The following ZNF705G variants were observed in gnomAD, a reference collection of about 807,000 sequenced individuals.
ZNF705G encodes the protein zinc finger protein 705G, also known as putative zinc finger protein 705G.
Under a neutral mutation model 19.6 loss-of-function variants are expected in ZNF705G, and 23 were observed. The observed-to-expected ratio is 1.17, with a 90% CI of 0.84 to 1.66. The LOEUF is 1.66. Among genes scored for constraint, ZNF705G ranks in the 40% most tolerant of loss-of-function variants. The probability of loss-of-function intolerance (pLI) is 0.00; values close to 1 mark genes in which losing one functional copy is unlikely to be tolerated. For synonymous variants in ZNF705G, 146 were observed against 117.7 expected (o/e 1.24, Z -1.56); for missense variants, 457 against 354.4 (o/e 1.29, Z -2.32).
intron 2 of ZNF705G, among the ~76,000 whole-genome samples, chr8:7,363,575 C>T (rs1345404318): frequency 2.0e-5 from 3 of 149,678 alleles, no homozygotes; most frequent in Non-Finnish European, 4.4e-5. Flanking sequence ...AATCCCAGCA[C>T]TTTGGGAGGC....
At chr8:7,381,920 G>C (rs148477640) in intron 1 of ZNF705G, among the ~76,000 whole-genome samples, 2 of 152,092 alleles carry the variant, frequency 1.3e-5, no homozygotes, top group African/African-American at 4.8e-5. Flanking sequence ...AACATACATA[G>C]AGTAAATGGA....
chr8:7,384,628 C>T lies in ZNF705G; in HGVS notation c.-222+870G>A, dbSNP rs1010333132. On this transcript the variant is annotated intron_variant, in intron 1 of 6. Transcript: ENST00000400156. ...CCTAAAATTTAAAACTTAATAAGGA[C>T]AACTTTGCCTTTTAGGGCCCATGGA... is the stretch of plus-strand genomic sequence containing the variant. Among the ~76,000 whole-genome samples the T allele has an allele frequency of 4.1e-5, 6 of 145,188 alleles. 1 individual carries two copies. Among genetic ancestry groups the T allele is most frequent in the African/African-American group, 8.6e-5 (3 of 34,914 alleles).
chr8:7,379,445 C>G (rs527886831), intron 2 of ZNF705G, among the ~76,000 whole-genome samples: 2 of 147,276 alleles, frequency 1.4e-5, no homozygotes, highest in East Asian at 3.9e-4. Flanking sequence ...AGGAGGCGGT[C>G]TTCAAGATGG....
intron 2 of ZNF705G, among the ~76,000 whole-genome samples, chr8:7,367,524 A>G (rs1184609321): frequency 6.7e-6 from 1 of 149,568 alleles, no homozygotes; most frequent in East Asian, 1.9e-4. Flanking sequence ...AACTCCCTAA[A>G]CACAACGTGC....
rs1361282040 is a variant in ZNF705G at position 7,356,138 on chromosome 8, G to T, written c.*1838C>A. The T allele has an allele frequency of 2.7e-5, 4 of 149,336 alleles. 1 individual carries two copies. Among genetic ancestry groups the T allele is most frequent in the African/African-American group, 5.2e-5 (2 of 38,764 alleles). The allele number at this position is 149,336 out of a possible 1,614,324, so 9.3% of individuals were successfully genotyped here. A position where few individuals can be genotyped will look rare whatever the true frequency, so the allele number is the denominator to read the frequency against. On this transcript the variant is annotated 3_prime_UTR_variant, in exon 7 of 7. Transcript: ENST00000400156. ...TACATTTTTCAATTCTGAGGACAAG[G>T]CAGAGGAGGGCCCCTCTGTGAGAAC...
chr8:7,384,770 TAA>T (rs779630384), intron 1 of ZNF705G, among the ~76,000 whole-genome samples: 2 of 145,154 alleles, frequency 1.4e-5, no homozygotes, highest in Non-Finnish European at 2.9e-5. Flanking sequence ...TAGCATAACT[TAA>T]GTTTACATAA....
chr8:7,365,372 T>C (rs1806808654), intron 2 of ZNF705G, among the ~76,000 whole-genome samples: 2 of 144,432 alleles, frequency 1.4e-5, no homozygotes, highest in Non-Finnish European at 3.0e-5. Context: ...GATGTCTCTC[T>C]CTATTTTTTT....
intron 2 of ZNF705G, among the ~76,000 whole-genome samples, chr8:7,367,023 C>G (rs745644399): frequency 6.7e-6 from 1 of 149,328 alleles, no homozygotes; most frequent in African/African-American, 2.6e-5. Flanking sequence ...ACTATTTTGG[C>G]CAATACAGAT....
At chr8:7,370,262 C>A (rs1236159382) in intron 2 of ZNF705G, among the ~76,000 whole-genome samples, 7 of 123,890 alleles carry the variant, frequency 5.7e-5, no homozygotes, top group African/African-American at 2.7e-4. Flanking sequence ...CACACCGAGA[C>A]TCCATCTCAA....
At chr8:7,358,940 A>T (rs1806433151) in intron 6 of ZNF705G, among the ~76,000 whole-genome samples, 1 of 149,568 alleles carries the variant, frequency 6.7e-6, no homozygotes, top group African/African-American at 2.6e-5. Context: ...TTCACCAGGC[A>T]CAAATGCATA....
At chr8:7,380,188 G>C (rs1435303116) in intron 2 of ZNF705G, among the ~76,000 whole-genome samples, 2 of 142,734 alleles carry the variant, frequency 1.4e-5, no homozygotes, top group Non-Finnish European at 3.0e-5. Context: ...TGGCCCCCAG[G>C]AGCAGGGCCA....
In ZNF705G at chr8:7,361,204, G is replaced by A; in HGVS notation, c.45C>T (p.Asp15=). 1 of 1,592,796 alleles carries A rather than the reference G, an allele frequency of 6.3e-7. No individual in the cohort carries two copies. Among genetic ancestry groups the A allele is most frequent in the Non-Finnish European group, 8.5e-7 (1 of 1,179,398 alleles). The change falls in exon 4 of 7, where the codon GAC becomes GAT. Residue 15 remains aspartate (D), a synonymous_variant. Transcript: ENST00000400156. ...KKLTFEDVAI[D]FTQEEWAMMD... Reference sequence around the variant, plus strand: ...TCATGGCCCACTCTTCCTGGGTGAAGTCAATAGCTACATCTTCAAAAGTCA... The same window carrying A: ...TCATGGCCCACTCTTCCTGGGTGAAATCAATAGCTACATCTTCAAAAGTCA...
At chr8:7,363,794 G>A (rs1468613831) in intron 2 of ZNF705G, among the ~76,000 whole-genome samples, 7 of 149,146 alleles carry the variant, frequency 4.7e-5, no homozygotes, top group Non-Finnish European at 5.9e-5. Flanking sequence ...GCACTCCAGC[G>A]AGGGTGACAG....
chr8:7,359,786 C>CA lies in ZNF705G; in HGVS notation c.236-86dup, dbSNP rs1806489147. ...AGCCCCAAAGCCCACGTACTTTTTT[C>CA]AAAAATTGACACGTAGATGTGGCAA... On this transcript the variant is annotated intron_variant, in intron 5 of 6. Transcript: ENST00000400156. The CA allele has an allele frequency of 5.7e-6, 9 of 1,582,060 alleles. No homozygotes were observed. In the East Asian group the frequency reaches 2.0e-4, roughly 36 times the overall value.
At chr8:7,385,233 A>G (rs190712473) in intron 1 of ZNF705G, among the ~76,000 whole-genome samples, 1 of 147,878 alleles carries the variant, frequency 6.8e-6, no homozygotes, top group Non-Finnish European at 1.5e-5. Flanking sequence ...TCACTTCCCA[A>G]ATGTTCCGCT....
In ZNF705G at chr8:7,378,972, G is replaced by T. The variant is rs1372710879; in HGVS notation, c.-72+2480C>A. ...ATTCTGCCTACAACAGCCACTGAGT[G>T]CTTTTACCACCTGTCACAATTTTCC... On this transcript the variant is annotated intron_variant, in intron 2 of 6. Coordinates refer to ENST00000400156, the MANE Select transcript of ZNF705G (RefSeq NM_001164457.3). 4.0e-5 allele frequency among the ~76,000 whole-genome samples: 6 copies of T among 149,396 alleles called. No homozygotes were observed. In the South Asian group the frequency reaches 6.3e-4, roughly 16 times the overall value.
intron 2 of ZNF705G, among the ~76,000 whole-genome samples, chr8:7,378,815 A>G (rs1807356205): frequency 6.8e-6 from 1 of 146,594 alleles, no homozygotes; most frequent in Middle Eastern, 3.2e-3. Context: ...TAATCTCCCT[A>G]TTTTAAGGTC....
intron 2 of ZNF705G, among the ~76,000 whole-genome samples, chr8:7,374,280 T>C: frequency 2.0e-5 from 1 of 50,264 alleles, no homozygotes; most frequent in South Asian, 7.6e-4. Flanking sequence ...ACTTGTTAAA[T>C]AGTCATCCTG....
At position 7,361,239 on chromosome 8, in the gene ZNF705G, A is replaced by G. The variant is rs779121108; in HGVS notation, c.13-3T>C. ...ACATCTTCAAAAGTCAGTTTCTTCT[A>G]AAACATCACAGACATTTTAGTTTAG... On this transcript the variant is annotated splice_region_variant and splice_polypyrimidine_tract_variant and intron_variant, in intron 3 of 6. Coordinates refer to ENST00000400156, the MANE Select transcript of ZNF705G (RefSeq NM_001164457.3). 14 of 1,592,402 alleles carry G rather than the reference A, an allele frequency of 8.8e-6. No homozygotes were observed. The highest frequency in any genetic ancestry group is 1.7e-5 in the Admixed American group (1 of 59,896).
Sources: allele counts gnomAD v4.1 joint callset (sites outside exome capture counted in the v4.1 genomes callset), GRCh38; gene constraint gnomAD v4.1.1; transcripts MANE v1.5; gene names NCBI Gene and HGNC (gene_info 2026-07-23, HGNC 2026-07-21).